Variants in ZNF584 observed in about 807,000 individuals in gnomAD.
ZNF584 encodes the protein zinc finger protein 584.
A neutral mutation model predicts 14.7 loss-of-function variants in ZNF584; 12 were observed. The observed-to-expected ratio is 0.82, with a 90% CI of 0.52 to 1.32. The LOEUF is 1.32. Among genes scored for constraint, ZNF584 ranks in the 40% most tolerant of loss-of-function variants. The pLI, the probability that ZNF584 is intolerant of heterozygous loss-of-function variation, is 0.00. For missense variants in ZNF584, 478 were observed against 518.8 expected (o/e 0.92, Z 0.76); for synonymous variants, 204 against 190.9 (o/e 1.07, Z -0.57).
rs1568584628 is a variant in ZNF584 at position 58,410,605 on chromosome 19, A to ATATATGTG, written c.169+519_169+520insGTGTATAT. 5.4e-3 allele frequency among the ~76,000 whole-genome samples: 65 copies of ATATATGTG among 11,932 alleles called. 4 individuals carry two copies. The highest frequency in any genetic ancestry group is 0.022 in the African/African-American group (53 of 2,362). The allele number at this position is 11,932 out of a possible 152,430, so 7.8% of individuals were successfully genotyped here. ...TATGTATATATATGTATATATATGT[A>ATATATGTG]TATATATGTGTATATATGTGTATAT... On this transcript the variant is annotated intron_variant, in intron 2 of 3. Transcript: ENST00000306910.
upstream of ZNF584, chr19:58,408,387 C>T (rs2052493713): frequency 6.6e-6 from 1 of 152,328 alleles, no homozygotes; most frequent in Non-Finnish European, 1.5e-5. Flanking sequence ...GCAGAACTTC[C>T]CGATTCTCGC....
In ZNF584 at chr19:58,417,047, C is replaced by T; in HGVS notation, c.529C>T (p.His177Tyr). Residue 177 changes from histidine to tyrosine, a missense_variant, in exon 4 of 4, where the codon CAT becomes TAT. His to Tyr is a moderately conservative substitution (Grantham distance 83, BLOSUM62 2). Coordinates refer to ENST00000306910, the MANE Select transcript of ZNF584 (RefSeq NM_173548.3). ...CTTAAAGGCCTTTGCCCTCCTTGACCATCTGATAACGCATTCTGAAGAGAG... is the reference window on the plus strand; with the variant it reads ...CTTAAAGGCCTTTGCCCTCCTTGACTATCTGATAACGCATTCTGAAGAGAG... ...VFLKAFALLD[H>Y]LITHSEERPF... 6.2e-7 allele frequency: 1 copy of T among 1,612,044 alleles called. No individual in the cohort carries two copies. Among genetic ancestry groups the T allele is most frequent in the South Asian group, 1.1e-5 (1 of 90,882 alleles).
At chr19:58,405,004 C>T (rs1239299576), upstream of ZNF584, 1 of 152,138 alleles carries the variant, frequency 6.6e-6, no homozygotes, top group Non-Finnish European at 1.4e-5. Context: ...CTGACCCCCC[C>T]ACCTCCCTCC....
Position 58,409,031 on chromosome 19 carries a change from C to G in ZNF584, c.-117C>G. On this transcript the variant is annotated 5_prime_UTR_variant, in exon 1 of 4. Coordinates refer to ENST00000306910, the MANE Select transcript of ZNF584 (RefSeq NM_173548.3). The stretch of plus-strand genomic sequence containing the variant: ...CGGTTCCCTGTCTTCGGACGCATTT[C>G]ACCCGCGCGGGGAGAGCTTCCCGGG... 7.5e-7 allele frequency: 1 copy of G among 1,333,434 alleles called. No individual in the cohort carries two copies. The highest frequency in any genetic ancestry group is 1.6e-5 in the South Asian group (1 of 64,376). 82.6% of individuals were successfully genotyped at this position (1,333,434 alleles called of 1,614,324 possible).
intron 2 of ZNF584, among the ~76,000 whole-genome samples, chr19:58,410,700 T>C (rs1296513439): frequency 1.0e-4 from 6 of 59,504 alleles, no homozygotes; most frequent in Admixed American, 9.5e-4. Context: ...TATGTATATA[T>C]ATATGTATAT....
At chr19:58,405,248 GCGGC>G (rs2052460219), upstream of ZNF584, 3 of 111,748 alleles carry the variant, frequency 2.7e-5, no homozygotes, top group African/African-American at 1.1e-4. Flanking sequence ...TCCGGACAGG[GCGGC>G]TGGCCGGGCG....
intron 1 of ZNF584, among the ~76,000 whole-genome samples, chr19:58,401,964 G>A (rs2052434572): frequency 6.7e-6 from 1 of 149,622 alleles, no homozygotes; most frequent in African/African-American, 2.5e-5. Flanking sequence ...AACCACTCGG[G>A]AGGCTGAGGC....
intron 1 of ZNF584, 157 bp downstream of exon 1, chr19:58,409,322 G>T (rs2052511184): frequency 1.1e-6 from 1 of 900,602 alleles, no homozygotes. Context: ...GGGAGCCATT[G>T]GAGATGTGCC....
At chr19:58,409,724 G>A (rs543714245) in intron 1 of ZNF584, among the ~76,000 whole-genome samples, 6 of 152,294 alleles carry the variant, frequency 3.9e-5, no homozygotes, top group Admixed American at 3.3e-4. Flanking sequence ...AACACCAGAA[G>A]CATCAATAAC....
intron 1 of ZNF584, among the ~76,000 whole-genome samples, chr19:58,402,940 A>T (rs1227221553): frequency 2.0e-5 from 3 of 152,068 alleles, no homozygotes; most frequent in Non-Finnish European, 4.4e-5. Context: ...ATCATATGCC[A>T]TTAGGGAACT....
At chr19:58,412,199 C>CTTTTTTTTTTT (rs35188048) in intron 2 of ZNF584, among the ~76,000 whole-genome samples, 1 of 83,930 alleles carries the variant, frequency 1.2e-5, no homozygotes, top group African/African-American at 5.9e-5. Context: ...CCAGGGTGGT[C>CTTTTTTTTTTT]TTTTTTTTTT....
At position 58,411,981 on chromosome 19, in the gene ZNF584, T is replaced by G. The variant is rs1347549222; in HGVS notation, c.169+1890T>G. On this transcript the variant is annotated intron_variant, in intron 2 of 3. Transcript: ENST00000306910. ...CTGTCATGGCTTATAATACTTGTTTTTTTTTTTTTTTTTTTTTTTAGACAG... is the reference window on the plus strand; with the variant it reads ...CTGTCATGGCTTATAATACTTGTTTGTTTTTTTTTTTTTTTTTTTAGACAG... 2.6e-4 allele frequency among the ~76,000 whole-genome samples: 25 copies of G among 97,506 alleles called. 2 individuals are homozygous for G. The South Asian group carries it at 7.6e-3, about 30-fold the overall frequency. 64.0% of individuals were successfully genotyped at this position (97,506 alleles called of 152,430 possible). A position where few individuals can be genotyped will look rare whatever the true frequency, so the allele number is the denominator to read the frequency against.
chr19:58,416,164 G>A (rs950765180), intron 3 of ZNF584: 2 of 491,562 alleles, frequency 4.1e-6, no homozygotes, highest in African/African-American at 3.8e-5. Flanking sequence ...GTTTTCCTTA[G>A]TCTGTAGTCT....
At position 58,417,069 on chromosome 19, in the gene ZNF584, A is replaced by G; in HGVS notation, c.551A>G (p.Glu184Gly). ...LLDHLITHSE[E>G]RPFRCPTGRS... ...GACCATCTGATAACGCATTCTGAAG[A>G]GAGACCCTTCAGATGCCCAACAGGC... The change falls in exon 4 of 4, where the codon GAG (glutamate) becomes GGG (glycine). Residue 184 changes from glutamate to glycine, a missense_variant. Glu to Gly is a moderately conservative substitution (Grantham distance 98). Coordinates refer to ENST00000306910, the MANE Select transcript of ZNF584 (RefSeq NM_173548.3). 6.2e-7 allele frequency: 1 copy of G among 1,613,832 alleles called. No homozygotes were observed. Among genetic ancestry groups the G allele is most frequent in the Non-Finnish European group, 8.5e-7 (1 of 1,179,768 alleles).
intron 1 of ZNF584, among the ~76,000 whole-genome samples, chr19:58,402,824 CAAAAAAAAA>C (rs35168811): frequency 3.1e-3 from 147 of 47,514 alleles, no homozygotes; most frequent in Non-Finnish European, 4.3e-3. Context: ...AACTGCGTCT[CAAAAAAAAA>C]AAAAAAAAAA....
intron 2 of ZNF584, among the ~76,000 whole-genome samples, chr19:58,414,991 C>T (rs1427735491): frequency 6.6e-6 from 1 of 152,018 alleles, no homozygotes; most frequent in Non-Finnish European, 1.5e-5. Flanking sequence ...CTCCCAGGTT[C>T]ATGCCATTCT....
chr19:58,415,559 C>G lies in ZNF584; in HGVS notation c.205C>G (p.Leu69Val), dbSNP rs761202916. The G allele has an allele frequency of 1.5e-5, 24 of 1,613,836 alleles. No individual in the cohort carries two copies. In the Admixed American group the frequency reaches 4.0e-4, roughly 27 times the overall value. ...TTCGAGATCCCCTGTGTTTACCCAGCTGGAGGATGATGAACAGTCGTGGGT... is the reference window on the plus strand; with the variant it reads ...TTCGAGATCCCCTGTGTTTACCCAGGTGGAGGATGATGAACAGTCGTGGGT... The part of the protein sequence containing the change: ...APSRSPVFTQ[L>V]EDDEQSWVPS... Residue 69 changes from leucine to valine, a missense_variant, in exon 3 of 4, where the codon CTG becomes GTG. Leu to Val is a conservative substitution (Grantham distance 32). This residue lies in a region of ZNF584 where 189 missense variants were observed against 177.9 expected (regional missense o/e 1.06). Coordinates refer to ENST00000306910, the MANE Select transcript of ZNF584 (RefSeq NM_173548.3).
At position 58,409,073 on chromosome 19, in the gene ZNF584, C is replaced by G; in HGVS notation, c.-75C>G. On this transcript the variant is annotated 5_prime_UTR_variant, in exon 1 of 4. Coordinates refer to ENST00000306910, the MANE Select transcript of ZNF584 (RefSeq NM_173548.3). ...CTTCCCGGGAAGGTTCCACGGCGGC[C>G]GAGGGTTTCCGCGCCCGGGACGCGT... 6.9e-7 allele frequency: 1 copy of G among 1,452,702 alleles called. No individual in the cohort carries two copies. Among genetic ancestry groups the G allele is most frequent in the Non-Finnish European group, 9.2e-7 (1 of 1,091,496 alleles). 90.0% of individuals were successfully genotyped at this position (1,452,702 alleles called of 1,614,324 possible). A position where few individuals can be genotyped will look rare whatever the true frequency, so the allele number is the denominator to read the frequency against.
At chr19:58,401,689 C>T (rs1288268860) in intron 1 of ZNF584, 1 of 150,712 alleles carries the variant, frequency 6.6e-6, no homozygotes, top group Non-Finnish European at 1.5e-5. Context: ...AGACCAGTCC[C>T]TTCGAGCGCC....
Sources: gnomAD v4.1 joint callset for allele counts (sites outside exome capture counted in the v4.1 genomes callset) on GRCh38, gnomAD v4.1.1 for gene constraint, gnomAD v4.1.1 regional missense constraint, MANE v1.5 for transcripts, NCBI Gene and HGNC (gene_info 2026-07-23, HGNC 2026-07-21) for gene names.